The following CACNA1B variants were observed in gnomAD, a reference collection of about 807,000 sequenced individuals.
CACNA1B encodes the protein voltage-dependent N-type calcium channel subunit alpha-1B.
Under a neutral mutation model 247.2 loss-of-function variants are expected in CACNA1B, and 70 were observed. That is an observed-to-expected ratio of 0.28 (90% CI 0.23 to 0.35). CACNA1B has a LOEUF of 0.35. CACNA1B is among the 10% of genes least tolerant of loss of function. The pLI, the probability that CACNA1B is intolerant of heterozygous loss-of-function variation, is 1.00. For synonymous variants in CACNA1B, 1,231 were observed against 1,294.4 expected (o/e 0.95, Z 1.05); for missense variants, 2,367 against 3,197.4 (o/e 0.74, Z 6.26).
chr9:137,928,796 T>C (rs1317034334), intron 6 of CACNA1B, among the ~76,000 whole-genome samples: 2 of 152,210 alleles, frequency 1.3e-5, no homozygotes, highest in Non-Finnish European at 2.9e-5. Flanking sequence ...ATTTCCTTAT[T>C]CCCACAGCCT....
rs1055834936 is a variant in CACNA1B at position 137,919,533 on chromosome 9, G to T, written c.966+2102G>T. On this transcript the variant is annotated intron_variant, in intron 6 of 46. Transcript: ENST00000371372. The surrounding 1 kb of genome is among the most constrained non-coding windows in gnomAD (Gnocchi z 4.6). ...GCTCCTCCACACTAAGGGCATACAG[G>T]GTCGGTCACTGGAGATTAGACAGGA... Among the ~76,000 whole-genome samples the T allele has an allele frequency of 6.6e-6, 1 of 152,238 alleles. No individual in the cohort carries two copies. Among genetic ancestry groups the T allele is most frequent in the Non-Finnish European group, 1.5e-5 (1 of 68,044 alleles).
rs1957096017 is a variant in CACNA1B, at chr9:137,891,338, G to A, written c.530+8455G>A. The A allele has an allele frequency of 6.6e-6, 1 of 152,468 alleles. No individual in the cohort carries two copies. Among genetic ancestry groups the A allele is most frequent in the Admixed American group, 6.5e-5 (1 of 15,292 alleles). The allele number at this position is 152,468 out of a possible 1,614,324, so 9.4% of individuals were successfully genotyped here. On this transcript the variant is annotated intron_variant, in intron 3 of 46. Transcript: ENST00000371372. This position sits in a 1 kb window ranked among gnomAD's most constrained non-coding sequence, Gnocchi z 4.3. The stretch of plus-strand genomic sequence containing the variant: ...GCAGTGCCGGGCTGGCTGTAGAAGA[G>A]CCGCCCCTCCTGGGGGCTGGCCTGT...
chr9:137,986,715 G>A lies in CACNA1B; in HGVS notation c.1902-67G>A. On this transcript the variant is annotated intron_variant, in intron 14 of 46. Transcript: ENST00000371372. The surrounding 1 kb of genome is among the most constrained non-coding windows in gnomAD (Gnocchi z 6.0). ...GAAGCGAGCAGGTTGAGGCCACGCT[G>A]GAGCCTGCAGGCGCTGCCTCGCTGC... The A allele has an allele frequency of 1.4e-6, 2 of 1,431,064 alleles. No homozygotes were observed. The highest frequency in any genetic ancestry group is 2.0e-6 in the Non-Finnish European group (2 of 1,013,912). 88.6% of individuals were successfully genotyped at this position (1,431,064 alleles called of 1,614,324 possible).
At position 137,926,397 on chromosome 9, in the gene CACNA1B, T is replaced by G. The variant is rs1957551971; in HGVS notation, c.966+8966T>G. On this transcript the variant is annotated intron_variant, in intron 6 of 46. Coordinates refer to ENST00000371372, the MANE Select transcript of CACNA1B (RefSeq NM_000718.4). ...CCTTCCTTCTTAAGGCTGAGTAATA[T>G]TCCATTGTATGACATTTTGCTTATC... is the stretch of plus-strand genomic sequence containing the variant. Among the ~76,000 whole-genome samples, 3 of 152,216 alleles carry G rather than the reference T, an allele frequency of 2.0e-5. No individual in the cohort carries two copies. The South Asian group carries it at 6.2e-4, about 32-fold the overall frequency.
chr9:137,934,160 C>G (rs1156562395), intron 6 of CACNA1B, among the ~76,000 whole-genome samples: 1 of 152,192 alleles, frequency 6.6e-6, no homozygotes, highest in Non-Finnish European at 1.5e-5. Flanking sequence ...GTCTTTTAAA[C>G]AGGTACTTCA....
chr9:137,989,765 C>A (rs1050068060), intron 15 of CACNA1B, among the ~76,000 whole-genome samples: 1 of 151,924 alleles, frequency 6.6e-6, no homozygotes, highest in Non-Finnish European at 1.5e-5. Context: ...TTACCACCAC[C>A]CACCCAGATC....
In CACNA1B at chr9:138,053,829, C is replaced by T. The variant is rs775289249; in HGVS notation, c.3808-17C>T. 47 of 1,607,690 alleles carry T rather than the reference C, an allele frequency of 2.9e-5. No homozygotes were observed. In the South Asian group the frequency reaches 5.0e-4, roughly 17 times the overall value. The stretch of plus-strand genomic sequence containing the variant: ...TGATTCCACCCCCTCATCATGGCTC[C>T]ACCCCTCCTCCTGCAGGCTGTGTTT... On this transcript the variant is annotated splice_polypyrimidine_tract_variant and intron_variant, in intron 25 of 46. Coordinates refer to ENST00000371372, the MANE Select transcript of CACNA1B (RefSeq NM_000718.4).
chr9:138,061,597 C>A (rs561838232), intron 31 of CACNA1B, among the ~76,000 whole-genome samples: 2 of 152,176 alleles, frequency 1.3e-5, no homozygotes, highest in African/African-American at 4.8e-5. Context: ...TCCAGTGGAC[C>A]CCGCGGTCAC....
chr9:138,055,082 A>G (rs1829077821), intron 26 of CACNA1B, among the ~76,000 whole-genome samples: 1 of 146,818 alleles, frequency 6.8e-6, no homozygotes, highest in Admixed American at 6.8e-5. Context: ...GGTGCTTTCT[A>G]CTCTTTTAAT....
chr9:138,001,929 T>C (rs1958582156), intron 15 of CACNA1B, among the ~76,000 whole-genome samples: 1 of 152,200 alleles, frequency 6.6e-6, no homozygotes, highest in African/African-American at 2.4e-5. Context: ...TGCAGAGAGA[T>C]GTTTATAAGT....
intron 3 of CACNA1B, among the ~76,000 whole-genome samples, chr9:137,900,710 CCT>C: frequency 7.7e-6 from 1 of 130,458 alleles, no homozygotes. Context: ...GCTGTGTGTC[CCT>C]GTGTCTGTGC....
Position 137,966,763 on chromosome 9 carries a change from C to T in CACNA1B, c.1334-4620C>T, listed in dbSNP as rs572125681. 2.0e-5 allele frequency among the ~76,000 whole-genome samples: 3 copies of T among 152,184 alleles called. No homozygotes were observed. In the East Asian group the frequency reaches 5.8e-4, roughly 29 times the overall value. On this transcript the variant is annotated intron_variant, in intron 10 of 46. Transcript: ENST00000371372. ...CCATGTTAGCCAGGACAGTCTCGATCTCCTGACCTCGTGATCCGCCCGCCT... is the reference window on the plus strand; with the variant it reads ...CCATGTTAGCCAGGACAGTCTCGATTTCCTGACCTCGTGATCCGCCCGCCT...
chr9:137,885,148 C>T (rs1956992256), intron 3 of CACNA1B, among the ~76,000 whole-genome samples: 2 of 150,604 alleles, frequency 1.3e-5, no homozygotes, highest in South Asian at 4.3e-4. Flanking sequence ...TGGGGTGGCT[C>T]CCAGGTTCCT....
chr9:137,982,816 T>C (rs975737391), intron 12 of CACNA1B, among the ~76,000 whole-genome samples: 1 of 152,168 alleles, frequency 6.6e-6, no homozygotes, highest in Non-Finnish European at 1.5e-5. Flanking sequence ...GCTTACCCAA[T>C]TTGTTGTATT....
In CACNA1B at chr9:138,121,847, C is replaced by G. The variant is rs188712112; in HGVS notation, c.6868C>G (p.Arg2290Gly). 6.2e-7 allele frequency: 1 copy of G among 1,613,406 alleles called. No homozygotes were observed. Among genetic ancestry groups the G allele is most frequent in the East Asian group, 2.2e-5 (1 of 44,872 alleles). Residue 2290 changes from arginine to glycine, a missense_variant, in exon 47 of 47, where the codon CGC (arginine) becomes GGC (glycine). Arg to Gly is a moderately radical substitution (Grantham distance 125). Transcript: ENST00000371372. This position sits in a 1 kb window ranked among gnomAD's most constrained non-coding sequence, Gnocchi z 6.8. ...GGAGGCTGTGGCCACCAACTCGGGC[C>G]GCTCCTCCAGGACTTCCTACGTGTC... ...FEEAVATNSG[R>G]SSRTSYVSSL...
At chr9:137,944,944 C>G (rs1957778139) in intron 6 of CACNA1B, among the ~76,000 whole-genome samples, 1 of 152,170 alleles carries the variant, frequency 6.6e-6, no homozygotes, top group Admixed American at 6.5e-5. Context: ...AGGGGGTCAT[C>G]TACAATATCT....
chr9:137,933,054 T>G (rs1957625830), intron 6 of CACNA1B, among the ~76,000 whole-genome samples: 1 of 152,170 alleles, frequency 6.6e-6, no homozygotes, highest in African/African-American at 2.4e-5. Flanking sequence ...TGCCTCAGCC[T>G]CCTGAGTAGC....
intron 6 of CACNA1B, among the ~76,000 whole-genome samples, chr9:137,933,338 A>T (rs1050918448): frequency 2.0e-5 from 3 of 152,196 alleles, no homozygotes; most frequent in Non-Finnish European, 4.4e-5. Context: ...GGTGTGAGTC[A>T]CCGCGTCCGG....
intron 15 of CACNA1B, among the ~76,000 whole-genome samples, chr9:138,002,128 A>G (rs765770298): frequency 6.6e-6 from 1 of 152,226 alleles, no homozygotes; most frequent in Non-Finnish European, 1.5e-5. Context: ...GACTTTTTAT[A>G]AAGCTATGGT....
Sources: gnomAD v4.1 joint callset for allele counts (sites outside exome capture counted in the v4.1 genomes callset) on GRCh38, gnomAD v4.1.1 for gene constraint, Gnocchi (gnomAD v3.1) non-coding constraint, MANE v1.5 for transcripts, NCBI Gene and HGNC (gene_info 2026-07-23, HGNC 2026-07-21) for gene names.